The following ZHX3 variants were observed in gnomAD, a reference collection of about 807,000 sequenced individuals.
ZHX3 encodes the protein zinc fingers and homeoboxes protein 3.
A neutral mutation model predicts 64.5 loss-of-function variants in ZHX3; 20 were observed. The ratio of observed to expected loss-of-function variants is 0.31; its 90% confidence interval spans 0.22 to 0.45. The LOEUF (loss-of-function observed/expected upper bound fraction) is 0.45, where lower values mean the gene tolerates loss of function less well. ZHX3 is among the 20% of genes least tolerant of loss of function. The pLI, the probability that ZHX3 is intolerant of heterozygous loss-of-function variation, is 1.00. For synonymous variants in ZHX3, 423 were observed against 461.6 expected (o/e 0.92, Z 1.07); for missense variants, 1,041 against 1,195.8 (o/e 0.87, Z 1.91).
Position 41,202,839 on chromosome 20 carries a change from TCTC to T in ZHX3, c.2075_2077del (p.Gly692del). The T allele has an allele frequency of 1.2e-6, 2 of 1,614,080 alleles. No individual in the cohort carries two copies. Among genetic ancestry groups the T allele is most frequent in the African/African-American group, 2.7e-5 (2 of 75,002 alleles). On this transcript the variant is annotated inframe_deletion, in exon 3 of 4. Transcript: ENST00000683867. The surrounding 1 kb of genome is among the most constrained non-coding windows in gnomAD (Gnocchi z 7.0). The stretch of plus-strand genomic sequence containing the variant: ...CCTTAGCTCACTGGCCAAATCCTCT[TCTC>T]CACCCTCATCCTCAGCAGCCTCCTC...
At chr20:41,229,086 G>A (rs2040443675) in intron 2 of ZHX3, among the ~76,000 whole-genome samples, 1 of 151,966 alleles carries the variant, frequency 6.6e-6, no homozygotes, top group African/African-American at 2.4e-5. Flanking sequence ...GCCCACCCCT[G>A]ACTCCTGACA....
At chr20:41,280,154 G>A (rs1041730707) in intron 1 of ZHX3, among the ~76,000 whole-genome samples, 1 of 152,112 alleles carries the variant, frequency 6.6e-6, no homozygotes, top group African/African-American at 2.4e-5. Context: ...GTACTTAGCA[G>A]GACCAGCACT....
rs544541272 is a variant in ZHX3, at chr20:41,292,219, G to A, written c.-244-23136C>T. ...TTGGGACTTTTGAATTTAATGTCTA[G>A]TTACAGGATTCAACTTTTGTGACAC... On this transcript the variant is annotated intron_variant, in intron 1 of 3. Coordinates refer to ENST00000683867, the MANE Select transcript of ZHX3 (RefSeq NM_001384317.1). Among the ~76,000 whole-genome samples the A allele has an allele frequency of 3.9e-3, 591 of 152,018 alleles. 2 individuals carry two copies. Among genetic ancestry groups the A allele is most frequent in the Non-Finnish European group, 5.7e-3 (387 of 67,976 alleles).
chr20:41,229,765 T>G (rs908234693), intron 2 of ZHX3, among the ~76,000 whole-genome samples: 17 of 152,192 alleles, frequency 1.1e-4, no homozygotes, highest in African/African-American at 4.1e-4. Flanking sequence ...TTTTTTGCTG[T>G]TTTTGTTGGG....
intron 2 of ZHX3, among the ~76,000 whole-genome samples, chr20:41,220,892 T>C (rs903330024): frequency 1.3e-5 from 2 of 152,020 alleles, no homozygotes; most frequent in Non-Finnish European, 2.9e-5. Context: ...TTTCGCCATG[T>C]TGCCCAGGCT....
intron 2 of ZHX3, among the ~76,000 whole-genome samples, chr20:41,230,186 T>A (rs1200509111): frequency 6.6e-6 from 1 of 152,208 alleles, no homozygotes; most frequent in Non-Finnish European, 1.5e-5. Context: ...GTTAAATATA[T>A]TCTTAGATTT....
chr20:41,255,960 G>A (rs1400139833), intron 2 of ZHX3, among the ~76,000 whole-genome samples: 1 of 152,222 alleles, frequency 6.6e-6, no homozygotes, highest in East Asian at 1.9e-4. Context: ...CAGCCTGAAA[G>A]AAGTGGCTAG....
intron 1 of ZHX3, among the ~76,000 whole-genome samples, chr20:41,274,271 A>C (rs1025275495): frequency 6.6e-6 from 1 of 152,238 alleles, no homozygotes; most frequent in Non-Finnish European, 1.5e-5. Context: ...AGGAACAGAG[A>C]TGCACGAAGC....
intron 2 of ZHX3, among the ~76,000 whole-genome samples, chr20:41,246,447 T>C (rs181757902): frequency 1.2e-3 from 182 of 152,356 alleles, no homozygotes; most frequent in African/African-American, 4.3e-3. Context: ...TTGGTTGGGC[T>C]TTCCCCTAAA....
intron 2 of ZHX3, among the ~76,000 whole-genome samples, chr20:41,222,030 T>C (rs1024728660): frequency 2.0e-5 from 3 of 152,166 alleles, no homozygotes. Context: ...GTTGGCGTCA[T>C]CCGACACGTG....
intron 2 of ZHX3, among the ~76,000 whole-genome samples, chr20:41,261,293 A>G (rs552353968): frequency 2.6e-4 from 39 of 152,328 alleles, no homozygotes; most frequent in African/African-American, 7.2e-4. Flanking sequence ...AATCTAAGAT[A>G]TAAAACCTCA....
rs1038822873 is a variant in ZHX3, at chr20:41,224,210, T to C, written c.-150-19144A>G. On this transcript the variant is annotated intron_variant, in intron 2 of 3. Coordinates refer to ENST00000683867, the MANE Select transcript of ZHX3 (RefSeq NM_001384317.1). The surrounding 1 kb of genome is among the most constrained non-coding windows in gnomAD (Gnocchi z 5.2). ...CTGAGTATCTCCCAAATGTGGGAGC[T>C]AATTATCATTTATGACAATTTATTA... Among the ~76,000 whole-genome samples, 2 of 152,240 alleles carry C rather than the reference T, an allele frequency of 1.3e-5. No homozygotes were observed. The highest frequency in any genetic ancestry group is 4.8e-5 in the African/African-American group (2 of 41,468).
At chr20:41,234,139 C>T (rs1480778637) in intron 2 of ZHX3, among the ~76,000 whole-genome samples, 1 of 152,220 alleles carries the variant, frequency 6.6e-6, no homozygotes, top group African/African-American at 2.4e-5. Context: ...CAACATCTAA[C>T]AGCCTCACTC....
chr20:41,203,711 G>A lies in ZHX3; in HGVS notation c.1206C>T (p.Val402=). The A allele has an allele frequency of 1.2e-6, 2 of 1,614,226 alleles. No homozygotes were observed. Among genetic ancestry groups the A allele is most frequent in the South Asian group, 2.2e-5 (2 of 91,086 alleles). The part of the protein sequence containing the change: ...NTPLVASAGN[V]QHLIQAALPG... ...GAAGAGCGGCCTGGATGAGATGCTG[G>A]ACATTGCCAGCACTGGCGACGAGTG... is the stretch of plus-strand genomic sequence containing the variant. Residue 402 remains valine (V), a synonymous_variant, in exon 3 of 4, where the codon GTC becomes GTT. Transcript: ENST00000683867. The surrounding 1 kb of genome is among the most constrained non-coding windows in gnomAD (Gnocchi z 7.1).
chr20:41,196,180 GA>G (rs2037469219), intron 3 of ZHX3, among the ~76,000 whole-genome samples: 1 of 145,774 alleles, frequency 6.9e-6, no homozygotes, highest in Admixed American at 7.3e-5. Context: ...ATCGGACATG[GA>G]ATATTAAAGT....
chr20:41,245,854 C>T (rs1266829068), intron 2 of ZHX3, among the ~76,000 whole-genome samples: 2 of 152,150 alleles, frequency 1.3e-5, no homozygotes, highest in Non-Finnish European at 2.9e-5. Flanking sequence ...CTTGAAAACA[C>T]TCATTATTTC....
chr20:41,302,123 A>G (rs1409712085), intron 1 of ZHX3, among the ~76,000 whole-genome samples: 1 of 149,462 alleles, frequency 6.7e-6, no homozygotes, highest in Admixed American at 6.7e-5. Context: ...CCCGTGCCCA[A>G]CGGTTTACCT....
chr20:41,266,450 G>C (rs1233236230), intron 2 of ZHX3, among the ~76,000 whole-genome samples: 1 of 151,936 alleles, frequency 6.6e-6, no homozygotes, highest in East Asian at 1.9e-4. Context: ...GCATTGCTAG[G>C]GCCCACCTGT....
At chr20:41,231,583 C>A (rs1396594885) in intron 2 of ZHX3, among the ~76,000 whole-genome samples, 1 of 152,142 alleles carries the variant, frequency 6.6e-6, no homozygotes, top group African/African-American at 2.4e-5. Flanking sequence ...ATGTGGCTGA[C>A]TTTCTCTCCA....
Sources: allele counts gnomAD v4.1 joint callset (sites outside exome capture counted in the v4.1 genomes callset), GRCh38; gene constraint gnomAD v4.1.1; non-coding constraint Gnocchi (gnomAD v3.1); transcripts MANE v1.5; gene names NCBI Gene and HGNC (gene_info 2026-07-23, HGNC 2026-07-21).